RORA: variants seen among roughly 807,000 people sequenced by gnomAD.
RORA encodes the protein RAR related orphan receptor A, also known as nuclear receptor ROR-alpha.
RORA carries 7 observed loss-of-function variants against 69.5 expected under a neutral mutation model. The ratio of observed to expected loss-of-function variants is 0.10; its 90% CI spans 0.06 to 0.19. RORA has a LOEUF of 0.19. Among genes scored for constraint, RORA ranks in the 10% least tolerant of loss-of-function variants. RORA has a pLI of 1.00. For synonymous variants in RORA, 261 were observed against 240.8 expected, an observed-to-expected ratio of 1.08 and a Z score of -0.78; for missense variants, 457 against 663.0, an observed-to-expected ratio of 0.69 and a Z score of 3.41.
intron 1 of RORA, among the ~76,000 whole-genome samples, chr15:61,200,833 C>T (rs1182648709): frequency 6.6e-6 from 1 of 152,202 alleles, no homozygotes; most frequent in African/African-American, 2.4e-5. Flanking sequence ...CAGGGCTTCT[C>T]CCAGGGTAGT....
intron 1 of RORA, among the ~76,000 whole-genome samples, chr15:61,074,487 T>C (rs1024319203): frequency 2.6e-5 from 4 of 152,222 alleles, no homozygotes; most frequent in Non-Finnish European, 2.9e-5. Flanking sequence ...AGAAACCATT[T>C]CTTCTTAACT....
At chr15:60,796,482 AC>A in intron 1 of RORA, among the ~76,000 whole-genome samples, 1 of 151,456 alleles carries the variant, frequency 6.6e-6, no homozygotes, top group Non-Finnish European at 1.5e-5. Flanking sequence ...ACCACTTTAT[AC>A]CCACTAGGAT....
chr15:60,707,790 A>T (rs995047215), intron 1 of RORA, among the ~76,000 whole-genome samples: 1 of 151,944 alleles, frequency 6.6e-6, no homozygotes, highest in African/African-American at 2.4e-5. Context: ...TGAAGTTCCC[A>T]TTTGTGTCCA....
intron 1 of RORA, among the ~76,000 whole-genome samples, chr15:60,690,902 T>C (rs757525036): frequency 1.3e-5 from 2 of 152,180 alleles, no homozygotes; most frequent in African/African-American, 4.8e-5. Context: ...AGAAGCTCCA[T>C]GTAAGCCAGA....
intron 1 of RORA, among the ~76,000 whole-genome samples, chr15:60,954,966 T>A (rs1893223524): frequency 6.6e-6 from 1 of 152,208 alleles, no homozygotes; most frequent in African/African-American, 2.4e-5. Flanking sequence ...AGTTATGTGT[T>A]GCTTTGACTT....
intron 1 of RORA, among the ~76,000 whole-genome samples, chr15:60,869,954 G>T (rs368231133): frequency 1.3e-5 from 2 of 152,316 alleles, no homozygotes; most frequent in South Asian, 2.1e-4. Context: ...TCAAGAAGAA[G>T]TGACTTGAGG....
intron 1 of RORA, among the ~76,000 whole-genome samples, chr15:60,929,427 G>T (rs117710985): frequency 0.017 from 2,608 of 152,298 alleles, 30 homozygotes; most frequent in Non-Finnish European, 0.025. Context: ...TAGAGGGAAG[G>T]TACTTGTGAT....
chr15:60,559,087 CAAAT>C (rs1165726236), intron 2 of RORA, among the ~76,000 whole-genome samples: 1 of 151,718 alleles, frequency 6.6e-6, no homozygotes, highest in Non-Finnish European at 1.5e-5. Flanking sequence ...TAATAAAAAT[CAAAT>C]AAAGAACATT....
intron 1 of RORA, among the ~76,000 whole-genome samples, chr15:61,136,539 CAAT>C (rs1406708597): frequency 6.6e-6 from 1 of 151,974 alleles, no homozygotes; most frequent in Non-Finnish European, 1.5e-5. Flanking sequence ...CAATAGACTA[CAAT>C]GAGACAAAAC....
At chr15:60,959,242 G>C (rs962068654) in intron 1 of RORA, among the ~76,000 whole-genome samples, 2 of 152,178 alleles carry the variant, frequency 1.3e-5, no homozygotes, top group African/African-American at 4.8e-5. Flanking sequence ...GTGTAACAGA[G>C]TGACAAGTAG....
intron 1 of RORA, among the ~76,000 whole-genome samples, chr15:61,123,827 A>G (rs962464619): frequency 1.9e-4 from 29 of 152,172 alleles, no homozygotes; most frequent in Admixed American, 2.6e-4. Context: ...ATACCTGGGA[A>G]ATAAGAGGGA....
chr15:60,637,360 C>A (rs1378321352), intron 2 of RORA, among the ~76,000 whole-genome samples: 2 of 151,654 alleles, frequency 1.3e-5, no homozygotes, highest in Non-Finnish European at 2.9e-5. Context: ...TGAAAAAATA[C>A]ATCTTCTTAT....
At chr15:61,166,076 G>A (rs1238109874) in intron 1 of RORA, among the ~76,000 whole-genome samples, 1 of 152,188 alleles carries the variant, frequency 6.6e-6, no homozygotes, top group African/African-American at 2.4e-5. Flanking sequence ...CTTCTGAGTG[G>A]GGGGCATCAG....
At chr15:60,912,989 T>A (rs567804687) in intron 1 of RORA, among the ~76,000 whole-genome samples, 2 of 152,340 alleles carry the variant, frequency 1.3e-5, no homozygotes, top group East Asian at 3.9e-4. Context: ...ACCATTACCA[T>A]AATTTAGTTT....
chr15:60,997,229 T>C (rs1031647091), intron 1 of RORA, among the ~76,000 whole-genome samples: 1 of 152,182 alleles, frequency 6.6e-6, no homozygotes, highest in Non-Finnish European at 1.5e-5. Context: ...TAAGTAAGAA[T>C]GTTTGTGTGA....
chr15:61,127,979 C>G (rs2079157668), intron 1 of RORA, among the ~76,000 whole-genome samples: 1 of 152,092 alleles, frequency 6.6e-6, no homozygotes, highest in Non-Finnish European at 1.5e-5. Flanking sequence ...AGCTATAGGA[C>G]AGGTGCTAAT....
chr15:60,821,709 T>G (rs1024517291), intron 1 of RORA, among the ~76,000 whole-genome samples: 1 of 152,208 alleles, frequency 6.6e-6, no homozygotes, highest in East Asian at 1.9e-4. Context: ...ATTTACTGAG[T>G]GCTTACTATG....
intron 1 of RORA, among the ~76,000 whole-genome samples, chr15:60,837,734 C>A (rs1052109995): frequency 1.3e-5 from 2 of 152,056 alleles, no homozygotes; most frequent in African/African-American, 4.8e-5. Flanking sequence ...TGTCTTCATC[C>A]GCTGTGAAAT....
intron 1 of RORA, among the ~76,000 whole-genome samples, chr15:60,763,261 C>T (rs12903966): frequency 0.22 from 32,995 of 151,426 alleles, 4,467 homozygotes; most frequent in African/African-American, 0.39. Flanking sequence ...GAACCTATTC[C>T]CAAGCCACTT....
Sources: gnomAD v4.1 joint callset for allele counts (sites outside exome capture counted in the v4.1 genomes callset) on GRCh38, gnomAD v4.1.1 for gene constraint, MANE v1.5 for transcripts, NCBI Gene and HGNC (gene_info 2026-07-23, HGNC 2026-07-21) for gene names.